The following AGBL1 variants were observed in gnomAD, a reference collection of about 807,000 sequenced individuals.
AGBL1 encodes the protein AGBL carboxypeptidase 1, also known as cytosolic carboxypeptidase 4.
A neutral mutation model predicts 118.9 loss-of-function variants in AGBL1; 130 were observed. That is an observed-to-expected ratio of 1.09 (90% CI 0.95 to 1.26). The LOEUF is 1.26. AGBL1 is among the 50% of genes most tolerant of loss of function. The pLI is 0.00. For missense variants in AGBL1, 1,584 were observed against 1,298.1 expected (o/e 1.22, Z -3.38); for synonymous variants, 555 against 478.9 (o/e 1.16, Z -2.08).
intron 22 of AGBL1, among the ~76,000 whole-genome samples, chr15:86,881,541 C>A (rs1047395234): frequency 6.6e-6 from 1 of 152,160 alleles, no homozygotes; most frequent in Non-Finnish European, 1.5e-5. Context: ...TTCTGTACAC[C>A]TTGCCGAGGT....
intron 5 of AGBL1, among the ~76,000 whole-genome samples, chr15:86,188,613 A>C (rs1229053086): frequency 6.6e-6 from 1 of 152,212 alleles, no homozygotes; most frequent in African/African-American, 2.4e-5. Context: ...TGATTTGCTT[A>C]CTTGTGGATC....
chr15:86,560,580 A>C lies in AGBL1; in HGVS notation c.2994+6043A>C, dbSNP rs145893309. 3.4e-3 allele frequency among the ~76,000 whole-genome samples: 512 copies of C among 152,280 alleles called. 6 individuals are homozygous for C. Among genetic ancestry groups the C allele is most frequent in the African/African-American group, 9.7e-3 (403 of 41,546 alleles). ...TTGGTTCTAACTCTTTGCTATTGTG[A>C]ATAGTGCCACAATAAACACACATGT... On this transcript the variant is annotated intron_variant, in intron 21 of 22. Transcript: ENST00000614907.
chr15:86,728,908 G>A (rs148444423), intron 22 of AGBL1, among the ~76,000 whole-genome samples: 89 of 152,268 alleles, frequency 5.8e-4, no homozygotes, highest in African/African-American at 2.0e-3. Flanking sequence ...GACTTGTGAA[G>A]CCATTCACAT....
At chr15:86,657,982 A>G (rs979760715) in intron 21 of AGBL1, among the ~76,000 whole-genome samples, 3 of 151,948 alleles carry the variant, frequency 2.0e-5, no homozygotes, top group Non-Finnish European at 4.4e-5. Flanking sequence ...CATCATTAGG[A>G]CTGTTGTAAG....
chr15:86,651,894 T>C (rs1440229242), intron 21 of AGBL1, among the ~76,000 whole-genome samples: 1 of 152,192 alleles, frequency 6.6e-6, no homozygotes, highest in East Asian at 1.9e-4. Context: ...TCTTGAGCTG[T>C]GGTCCCACAT....
chr15:86,295,330 C>G lies in AGBL1; in HGVS notation c.2296C>G (p.Leu766Val). Residue 766 changes from leucine to valine, a missense_variant, in exon 17 of 23, where the codon CTG (leucine) becomes GTG (valine). Leu to Val is a conservative substitution (Grantham distance 32). Coordinates refer to ENST00000614907, the MANE Select transcript of AGBL1 (RefSeq NM_001386094.1). ...CCGGCAAGATGTTCTCTGCCAGACGCTGGGAGGGAATCCGTGTCCCTTGGT... is the reference window on the plus strand; with the variant it reads ...CCGGCAAGATGTTCTCTGCCAGACGGTGGGAGGGAATCCGTGTCCCTTGGT... ...YFRQDVLCQTLGGNPCPLVTI... is the reference protein window; with the variant it reads ...YFRQDVLCQTVGGNPCPLVTI... The G allele has an allele frequency of 6.2e-7, 1 of 1,613,434 alleles. No individual in the cohort carries two copies. The highest frequency in any genetic ancestry group is 1.1e-5 in the South Asian group (1 of 91,028).
chr15:86,863,713 T>G (rs2079589495), intron 22 of AGBL1, among the ~76,000 whole-genome samples: 1 of 152,210 alleles, frequency 6.6e-6, no homozygotes, highest in Non-Finnish European at 1.5e-5. Flanking sequence ...TGGAACATTC[T>G]GTATGGATCA....
chr15:86,434,833 C>G (rs2081981164), intron 18 of AGBL1, among the ~76,000 whole-genome samples: 1 of 152,182 alleles, frequency 6.6e-6, no homozygotes, highest in African/African-American at 2.4e-5. Flanking sequence ...ATGGACATAG[C>G]TTCCTCTCAG....
chr15:86,355,682 A>C (rs914041771), intron 17 of AGBL1, among the ~76,000 whole-genome samples: 3 of 152,226 alleles, frequency 2.0e-5, no homozygotes, highest in Non-Finnish European at 4.4e-5. Flanking sequence ...ATAATGTGTT[A>C]AGAATACAAC....
Position 86,616,372 on chromosome 15 carries a change from A to T in AGBL1, c.2995-57901A>T, listed in dbSNP as rs867961792. Among the ~76,000 whole-genome samples, 1,491 of 151,450 alleles carry T rather than the reference A, an allele frequency of 9.8e-3. 14 individuals carry two copies. Among genetic ancestry groups the T allele is most frequent in the Middle Eastern group, 0.017 (5 of 294 alleles). Reference sequence around the variant, plus strand: ...AAAAAAAAAAAAAAAAAAAAAAAAAATGAAGATGGAAAACTTGTCGTTGGA... The same window carrying T: ...AAAAAAAAAAAAAAAAAAAAAAAAATTGAAGATGGAAAACTTGTCGTTGGA... On this transcript the variant is annotated intron_variant, in intron 21 of 22. Coordinates refer to ENST00000614907, the MANE Select transcript of AGBL1 (RefSeq NM_001386094.1).
At chr15:86,262,027 T>G (rs1293476225) in intron 9 of AGBL1, among the ~76,000 whole-genome samples, 1 of 150,248 alleles carries the variant, frequency 6.7e-6, no homozygotes, top group Admixed American at 6.7e-5. Flanking sequence ...GTAAGCAAAT[T>G]GAAGCTTTTC....
chr15:86,257,079 C>T (rs2078908877), intron 8 of AGBL1, 61 bp downstream of exon 8: 1 of 1,507,270 alleles, frequency 6.6e-7, no homozygotes, highest in Non-Finnish European at 9.1e-7. Context: ...CCATGTTTCC[C>T]AGGAACATGG....
chr15:86,266,785 C>T (rs2079080245), intron 12 of AGBL1, among the ~76,000 whole-genome samples: 1 of 152,024 alleles, frequency 6.6e-6, no homozygotes, highest in Admixed American at 6.5e-5. Context: ...GCCTGTAGTC[C>T]CGCTACTCGG....
chr15:86,627,548 G>C (rs147572098), intron 21 of AGBL1, among the ~76,000 whole-genome samples: 1 of 152,172 alleles, frequency 6.6e-6, no homozygotes, highest in African/African-American at 2.4e-5. Flanking sequence ...GTGGGAAAAC[G>C]AAGGTGCTGT....
intron 21 of AGBL1, among the ~76,000 whole-genome samples, chr15:86,617,434 A>C (rs1484830946): frequency 1.3e-5 from 2 of 152,152 alleles, no homozygotes; most frequent in African/African-American, 4.8e-5. Context: ...TTTACATTAA[A>C]AATATAAAAC....
chr15:86,439,861 C>G lies in AGBL1; in HGVS notation c.2555+42315C>G, dbSNP rs151064398. On this transcript the variant is annotated intron_variant, in intron 18 of 22. Coordinates refer to ENST00000614907, the MANE Select transcript of AGBL1 (RefSeq NM_001386094.1). ...ATAGGCTGTGTAAACAGAAGCATTC[C>G]CAGTTTACTTAGGGAAAATCCTTAT... Among the ~76,000 whole-genome samples, 484 of 152,274 alleles carry G rather than the reference C, an allele frequency of 3.2e-3. 1 individual carries two copies. Among genetic ancestry groups the G allele is most frequent in the African/African-American group, 0.011 (457 of 41,556 alleles).
intron 23 of AGBL1, among the ~76,000 whole-genome samples, chr15:86,967,310 T>C: frequency 6.6e-6 from 1 of 152,204 alleles, no homozygotes; most frequent in Non-Finnish European, 1.5e-5. Context: ...TCTTTTGCTG[T>C]GCAGAAGCTC....
intron 22 of AGBL1, among the ~76,000 whole-genome samples, chr15:86,711,408 C>G (rs897100469): frequency 6.6e-6 from 1 of 152,206 alleles, no homozygotes; most frequent in African/African-American, 2.4e-5. Flanking sequence ...TTGTCACTGA[C>G]ATCTGTTCTA....
chr15:86,846,721 G>A (rs535298430), intron 22 of AGBL1, among the ~76,000 whole-genome samples: 7 of 152,072 alleles, frequency 4.6e-5, no homozygotes, highest in Non-Finnish European at 1.5e-5. Context: ...TAGTAGAGAC[G>A]AGGTTTCACT....
Sources: allele counts gnomAD v4.1 joint callset (sites outside exome capture counted in the v4.1 genomes callset), GRCh38; gene constraint gnomAD v4.1.1; transcripts MANE v1.5; gene names NCBI Gene and HGNC (gene_info 2026-07-23, HGNC 2026-07-21).